Variants in SPAST observed in about 807,000 individuals in gnomAD.
The protein encoded by SPAST is spastin.
SPAST carries 30 observed loss-of-function variants against 76.6 expected under a neutral mutation model. That is an observed-to-expected ratio of 0.39 (90% CI 0.29 to 0.53). The LOEUF (loss-of-function observed/expected upper bound fraction) is 0.53. SPAST is among the 20% of genes least tolerant of loss of function. The pLI, the probability that SPAST is intolerant of heterozygous loss-of-function variation, is 0.68. For synonymous variants in SPAST, 305 were observed against 281.0 expected, an observed-to-expected ratio of 1.09 and a Z score of -0.86; for missense variants, 717 against 770.5, an observed-to-expected ratio of 0.93 and a Z score of 0.82.
In SPAST at chr2:32,110,200, C is replaced by A. The variant is rs561797691; in HGVS notation, c.683-4438C>A. Among the ~76,000 whole-genome samples the A allele has an allele frequency of 1.5e-4, 22 of 147,450 alleles. No homozygotes were observed. In the South Asian group the frequency reaches 4.6e-3, roughly 31 times the overall value. On this transcript the variant is annotated intron_variant, in intron 4 of 16. Coordinates refer to ENST00000315285, the MANE Select transcript of SPAST (RefSeq NM_014946.4). Reference sequence around the variant, plus strand: ...GTGGTGCTATCTTGGCTTACCGCAACCTCTGCTTCCCAGGTTCAAGCAATT... The same window carrying A: ...GTGGTGCTATCTTGGCTTACCGCAAACTCTGCTTCCCAGGTTCAAGCAATT...
rs1388886061 is a variant in SPAST, at chr2:32,079,305, C to T, written c.416-8187C>T. 7.9e-5 allele frequency among the ~76,000 whole-genome samples: 12 copies of T among 151,810 alleles called. No homozygotes were observed. In the South Asian group the frequency reaches 1.7e-3, roughly 21 times the overall value. ...GCTAAGTGGGAGTATCACTTGAGCCCGGGAGTTCAAGACCAGCCTGGGCAA... is the reference window on the plus strand; with the variant it reads ...GCTAAGTGGGAGTATCACTTGAGCCTGGGAGTTCAAGACCAGCCTGGGCAA... On this transcript the variant is annotated intron_variant, in intron 1 of 16. Transcript: ENST00000315285.
rs1254161496 is a variant in SPAST at position 32,114,780 on chromosome 2, T to G, written c.825T>G (p.Val275=). Residue 275 remains valine (V), a synonymous_variant, in exon 5 of 17, where the codon GTT becomes GTG. Transcript: ENST00000315285. ...CTAGTTACAGTGGTTTATCCATGGT[T>G]TCTGGAGTGAAACAGGGATCTGGTC... ...RAPSYSGLSM[V]SGVKQGSGPA... The G allele has an allele frequency of 6.2e-7, 1 of 1,614,108 alleles. No individual in the cohort carries two copies. The highest frequency in any genetic ancestry group is 1.1e-5 in the South Asian group (1 of 91,082).
At chr2:32,101,679 A>G (rs538809610) in intron 4 of SPAST, among the ~76,000 whole-genome samples, 1 of 152,318 alleles carries the variant, frequency 6.6e-6, no homozygotes, top group East Asian at 1.9e-4. Context: ...ATCCAGTTTC[A>G]GCTTTGTACG....
At chr2:32,094,009 G>C (rs937367141) in intron 3 of SPAST, among the ~76,000 whole-genome samples, 11 of 152,030 alleles carry the variant, frequency 7.2e-5, no homozygotes, top group Admixed American at 2.0e-4. Flanking sequence ...GTCAGTATTA[G>C]GAATTCCCAG....
intron 3 of SPAST, among the ~76,000 whole-genome samples, chr2:32,097,022 G>T (rs1677941008): frequency 6.6e-6 from 1 of 152,196 alleles, no homozygotes; most frequent in South Asian, 2.1e-4. Flanking sequence ...CGTAAACCAA[G>T]CATGGTACCT....
chr2:32,150,478 C>T (rs1366234056), intron 16 of SPAST, among the ~76,000 whole-genome samples: 1 of 151,096 alleles, frequency 6.6e-6, no homozygotes, highest in Non-Finnish European at 1.5e-5. Context: ...CACTTGGTTG[C>T]CCAGGCTGGA....
rs367843598 is a variant in SPAST at position 32,063,955 on chromosome 2, C to G, written c.124C>G (p.Pro42Ala). ...TCCCGCCGCCGGGCCGGCCCCTCCG[C>G]CCGAGTCGCCGCATAAGCGGAACCT... is the stretch of plus-strand genomic sequence containing the variant. ...APPAAGPAPP[P>A]ESPHKRNLYY... Residue 42 changes from proline to alanine, a missense_variant, in exon 1 of 17, where the codon CCC becomes GCC. Pro to Ala is a conservative substitution (Grantham distance 27, BLOSUM62 -1). Transcript: ENST00000315285. 1 of 1,611,428 alleles carries G rather than the reference C, an allele frequency of 6.2e-7. No individual in the cohort carries two copies. Among genetic ancestry groups the G allele is most frequent in the Admixed American group, 1.7e-5 (1 of 59,808 alleles).
intron 7 of SPAST, 52 bp downstream of exon 7, chr2:32,116,264 A>G (rs1272430306): frequency 2.8e-6 from 3 of 1,080,702 alleles, no homozygotes; most frequent in African/African-American, 3.1e-5. Flanking sequence ...TACTGAATCC[A>G]TAGTAGTAGT....
intron 2 of SPAST, among the ~76,000 whole-genome samples, 166 bp from the exon 3 acceptor site, chr2:32,089,356 A>T (rs907997525): frequency 2.0e-5 from 3 of 151,596 alleles, no homozygotes; most frequent in African/African-American, 7.3e-5. Context: ...TATTTTTAAA[A>T]TTTCTTCTGT....
At chr2:32,134,024 G>A (rs957760767) in intron 9 of SPAST, among the ~76,000 whole-genome samples, 5 of 151,964 alleles carry the variant, frequency 3.3e-5, no homozygotes, top group East Asian at 1.9e-4. Flanking sequence ...TTTACAAGTC[G>A]TTACTCTATT....
At chr2:32,136,185 T>TA (rs1011924582) in intron 9 of SPAST, among the ~76,000 whole-genome samples, 4 of 152,242 alleles carry the variant, frequency 2.6e-5, no homozygotes, top group Non-Finnish European at 5.9e-5. Flanking sequence ...CATTCCAACT[T>TA]ACTTGCTTCT....
intron 1 of SPAST, among the ~76,000 whole-genome samples, chr2:32,066,947 C>G (rs1370344460): frequency 1.7e-5 from 2 of 114,418 alleles, no homozygotes; most frequent in Admixed American, 2.6e-4. Flanking sequence ...GCACTCCGAA[C>G]TGGGTGACAG....
intron 9 of SPAST, 120 bp downstream of exon 9, chr2:32,128,599 T>G: frequency 1.4e-6 from 1 of 717,840 alleles, no homozygotes; most frequent in South Asian, 1.5e-5. Flanking sequence ...ATTGTATCTA[T>G]TATTTACATA....
At chr2:32,102,992 G>C (rs937452850) in intron 4 of SPAST, among the ~76,000 whole-genome samples, 1 of 152,184 alleles carries the variant, frequency 6.6e-6, no homozygotes, top group Non-Finnish European at 1.5e-5. Flanking sequence ...AAATGAGTTA[G>C]GGAGGATTCC....
chr2:32,110,425 A>C (rs1678509790), intron 4 of SPAST, among the ~76,000 whole-genome samples: 1 of 146,600 alleles, frequency 6.8e-6, no homozygotes, highest in Non-Finnish European at 1.5e-5. Flanking sequence ...GTCCCTATAC[A>C]TATATAGTTA....
At chr2:32,137,815 C>G (rs1354487892) in intron 12 of SPAST, among the ~76,000 whole-genome samples, 1 of 152,138 alleles carries the variant, frequency 6.6e-6, no homozygotes, top group South Asian at 2.1e-4. Context: ...TCACTGCTTT[C>G]TTCCCCCATG....
chr2:32,145,919 G>C (rs1326517072), intron 15 of SPAST, among the ~76,000 whole-genome samples: 1 of 152,212 alleles, frequency 6.6e-6, no homozygotes, highest in African/African-American at 2.4e-5. Context: ...ATTGAATGTA[G>C]TTGTACGAGA....
chr2:32,126,406 G>A (rs1316980647), intron 7 of SPAST: 1 of 141,416 alleles, frequency 7.1e-6, no homozygotes, highest in Admixed American at 7.2e-5. Flanking sequence ...ACATGCCTAT[G>A]TTCAATATGT....
At chr2:32,106,157 A>G (rs1678311492) in intron 4 of SPAST, among the ~76,000 whole-genome samples, 1 of 152,194 alleles carries the variant, frequency 6.6e-6, no homozygotes, top group Admixed American at 6.5e-5. Context: ...AGCCTCAGCA[A>G]TGGCAGATGC....
Sources: allele counts gnomAD v4.1 joint callset (sites outside exome capture counted in the v4.1 genomes callset), GRCh38; gene constraint gnomAD v4.1.1; transcripts MANE v1.5; gene names NCBI Gene and HGNC (gene_info 2026-07-23, HGNC 2026-07-21).